The following ZFAND3 variants were observed in gnomAD, a reference collection of about 807,000 sequenced individuals.
ZFAND3 encodes zinc finger AN1-type containing 3, also known as AN1-type zinc finger protein 3.
ZFAND3 carries 10 observed loss-of-function variants against 29.6 expected under a neutral mutation model. That is an observed-to-expected ratio of 0.34 (90% CI 0.21 to 0.57). ZFAND3 has a LOEUF of 0.57. Ranked by LOEUF, ZFAND3 falls within the 20% of genes least tolerant of loss-of-function variation. The probability of loss-of-function intolerance (pLI) is 0.86; values close to 1 mark genes in which losing one functional copy is unlikely to be tolerated. For synonymous variants in ZFAND3, 128 were observed against 112.6 expected (o/e 1.14, Z -0.87); for missense variants, 230 against 304.5 (o/e 0.76, Z 1.82).
intron 4 of ZFAND3, among the ~76,000 whole-genome samples, chr6:38,097,249 AT>A (rs1190146160): frequency 0.028 from 3,421 of 123,390 alleles, 83 homozygotes; most frequent in African/African-American, 0.076. Flanking sequence ...TTAATTTTTC[AT>A]TTTTTTTTTT....
intron 1 of ZFAND3, among the ~76,000 whole-genome samples, chr6:37,823,444 G>C (rs548189013): frequency 2.0e-4 from 31 of 152,318 alleles, no homozygotes; most frequent in Admixed American, 8.5e-4. Flanking sequence ...CTTTAGGATT[G>C]CTGCTCTTTC....
intron 2 of ZFAND3, among the ~76,000 whole-genome samples, chr6:38,000,758 A>G (rs553873985): frequency 6.6e-6 from 1 of 152,312 alleles, no homozygotes; most frequent in South Asian, 2.1e-4. Context: ...AAAAGAAAAG[A>G]CTAAAAGACA....
intron 2 of ZFAND3, among the ~76,000 whole-genome samples, chr6:38,031,726 CACTT>C (rs767884768): frequency 1.7e-4 from 26 of 152,280 alleles, no homozygotes; most frequent in South Asian, 4.1e-4. Flanking sequence ...ATTGAGATAA[CACTT>C]AATTGCCCAG....
intron 1 of ZFAND3, among the ~76,000 whole-genome samples, chr6:37,830,936 A>C (rs1763848704): frequency 6.6e-6 from 1 of 151,566 alleles, no homozygotes; most frequent in South Asian, 2.1e-4. Flanking sequence ...ACCTTTTCTT[A>C]TTTGCTGAGA....
At chr6:37,928,631 G>C (rs548372305) in intron 1 of ZFAND3, among the ~76,000 whole-genome samples, 2 of 152,130 alleles carry the variant, frequency 1.3e-5, no homozygotes, top group East Asian at 1.9e-4. Flanking sequence ...AGCGATTCTT[G>C]TGTCTCAGCC....
chr6:37,903,314 C>T (rs954514552), intron 1 of ZFAND3, among the ~76,000 whole-genome samples: 5 of 152,156 alleles, frequency 3.3e-5, no homozygotes, highest in Non-Finnish European at 7.4e-5. Context: ...TTCTTTGACA[C>T]GTGAAATATT....
intron 5 of ZFAND3, among the ~76,000 whole-genome samples, chr6:38,145,860 C>T (rs1766095075): frequency 6.6e-6 from 1 of 152,186 alleles, no homozygotes; most frequent in Non-Finnish European, 1.5e-5. Context: ...ACCTGTCCTT[C>T]CGAGAGAAGT....
intron 4 of ZFAND3, among the ~76,000 whole-genome samples, chr6:38,108,581 A>G (rs893148630): frequency 6.6e-6 from 1 of 152,212 alleles, no homozygotes; most frequent in Non-Finnish European, 1.5e-5. Context: ...AGAAGCAAGC[A>G]TCTGGCGCAG....
intron 2 of ZFAND3, among the ~76,000 whole-genome samples, chr6:38,041,673 CTTCTTCTT>C (rs1485679505): frequency 1.5e-3 from 36 of 24,814 alleles, no homozygotes; most frequent in South Asian, 3.4e-3. Flanking sequence ...TCTTCTTCTT[CTTCTTCTT>C]CTTCTCCTTC....
At chr6:37,917,600 G>T (rs964319222) in intron 1 of ZFAND3, among the ~76,000 whole-genome samples, 1 of 152,070 alleles carries the variant, frequency 6.6e-6, no homozygotes, top group East Asian at 1.9e-4. Context: ...TTTTTGCTGG[G>T]GGTTATAACC....
intron 2 of ZFAND3, among the ~76,000 whole-genome samples, chr6:38,033,791 A>AG (rs1195468416): frequency 6.6e-6 from 1 of 152,190 alleles, no homozygotes; most frequent in Non-Finnish European, 1.5e-5. Context: ...GAAAGCTTTC[A>AG]GGGATAGCTC....
At chr6:38,019,409 T>G (rs1323258871) in intron 2 of ZFAND3, among the ~76,000 whole-genome samples, 1 of 152,232 alleles carries the variant, frequency 6.6e-6, no homozygotes, top group African/African-American at 2.4e-5. Context: ...TGGGTCTTTT[T>G]TATTTGTGGG....
At chr6:37,825,427 C>T (rs1222318217) in intron 1 of ZFAND3, among the ~76,000 whole-genome samples, 9 of 152,154 alleles carry the variant, frequency 5.9e-5, no homozygotes, top group African/African-American at 1.9e-4. Flanking sequence ...ACTGTCGGTT[C>T]ATTTATCTGC....
intron 2 of ZFAND3, among the ~76,000 whole-genome samples, chr6:37,980,481 T>C (rs1762560809): frequency 6.6e-6 from 1 of 152,212 alleles, no homozygotes; most frequent in Admixed American, 6.5e-5. Context: ...TTTTCTGAAT[T>C]GTATCACTTG....
intron 2 of ZFAND3, among the ~76,000 whole-genome samples, chr6:37,979,469 T>C (rs967623301): frequency 6.6e-6 from 1 of 152,212 alleles, no homozygotes; most frequent in Non-Finnish European, 1.5e-5. Context: ...ATTTTGTCTT[T>C]TGGAATTGTG....
intron 1 of ZFAND3, among the ~76,000 whole-genome samples, chr6:37,832,634 C>T (rs1219601317): frequency 1.3e-5 from 2 of 152,244 alleles, no homozygotes; most frequent in East Asian, 3.9e-4. Context: ...GCTTATAAGA[C>T]AGTTTCTTGC....
chr6:38,123,134 A>C (rs1034702331), intron 5 of ZFAND3, among the ~76,000 whole-genome samples: 2 of 152,238 alleles, frequency 1.3e-5, no homozygotes, highest in African/African-American at 4.8e-5. Context: ...GAGGTTGTTG[A>C]ATCTTTTCAA....
chr6:37,998,080 A>C (rs1762881813), intron 2 of ZFAND3, among the ~76,000 whole-genome samples: 1 of 152,252 alleles, frequency 6.6e-6, no homozygotes, highest in East Asian at 1.9e-4. Context: ...GATGTTCTTC[A>C]ATAGGTGAAT....
At chr6:38,032,788 A>G (rs750692505) in intron 2 of ZFAND3, among the ~76,000 whole-genome samples, 1 of 152,232 alleles carries the variant, frequency 6.6e-6, no homozygotes, top group Non-Finnish European at 1.5e-5. Flanking sequence ...TTATCTTACC[A>G]TGAACGTAGA....
Sources: gnomAD v4.1 joint callset for allele counts (sites outside exome capture counted in the v4.1 genomes callset) on GRCh38, gnomAD v4.1.1 for gene constraint, MANE v1.5 for transcripts, NCBI Gene and HGNC (gene_info 2026-07-23, HGNC 2026-07-21) for gene names.